KRTAP13-3: variants seen among roughly 807,000 people sequenced by gnomAD.
The protein encoded by KRTAP13-3 is keratin associated protein 13-3, also known as keratin-associated protein 13-3.
For missense variants in KRTAP13-3, 243 were observed against 202.8 expected, an observed-to-expected ratio of 1.20 and a Z score of -1.20; for synonymous variants, 98 against 79.4, an observed-to-expected ratio of 1.23 and a Z score of -1.25.
chr21:30,425,623 A>G, exon 1 of KRTAP13-3: 2 of 1,614,186 alleles, frequency 1.2e-6, no homozygotes, highest in East Asian at 2.2e-5. Context: ...CCGAGACCCA[A>G]CATGCATAGT....
chr21:30,425,577 A>T, the KRTAP13-3 span: 1 of 1,614,138 alleles, frequency 6.2e-7, no homozygotes, highest in Non-Finnish European at 8.5e-7. Flanking sequence ...TCCTGGATCC[A>T]CAGCTCAGGG....
At chr21:30,425,646 G>A (rs371320443) in exon 1 of KRTAP13-3, 2 of 1,614,120 alleles carry the variant, frequency 1.2e-6, no homozygotes, top group Non-Finnish European at 1.7e-6. Context: ...GGCAAGAATT[G>A]CAGAGCATGT....
exon 1 of KRTAP13-3, chr21:30,425,395 C>G (rs764792084): frequency 6.5e-7 from 1 of 1,543,680 alleles, no homozygotes; most frequent in South Asian, 1.3e-5. Context: ...CCACATTAGT[C>G]AGTAGAAACC....
chr21:30,425,866 CCG>C, the KRTAP13-3 span: 1 of 1,613,978 alleles, frequency 6.2e-7, no homozygotes, highest in Non-Finnish European at 8.5e-7. Context: ...CAAGTAACCC[CCG>C]TGGGAGCAGG....
At chr21:30,425,895 G>A in exon 1 of KRTAP13-3, 1 of 1,612,994 alleles carries the variant, frequency 6.2e-7, no homozygotes, top group South Asian at 1.1e-5. Context: ...AGTTTCTAGA[G>A]CAACAGTTGT....
chr21:30,425,850 G>T, the KRTAP13-3 span: 1 of 1,614,142 alleles, frequency 6.2e-7, no homozygotes, highest in Middle Eastern at 1.7e-4. Context: ...AGGAGCCTGG[G>T]TAGTGCAAGT....
At chr21:30,425,889 T>C in exon 1 of KRTAP13-3, 1 of 1,613,318 alleles carries the variant, frequency 6.2e-7, no homozygotes, top group Non-Finnish European at 8.5e-7. Context: ...AGGAGAAGTT[T>C]CTAGAGCAAC....
At chr21:30,425,673 G>T in the KRTAP13-3 span, 2 of 1,614,164 alleles carry the variant, frequency 1.2e-6, no homozygotes, top group Non-Finnish European at 1.7e-6. Flanking sequence ...TGGGGTAGTA[G>T]CAGGAGGTGT....
exon 1 of KRTAP13-3, chr21:30,425,782 C>T: frequency 6.2e-7 from 1 of 1,614,146 alleles, no homozygotes; most frequent in Non-Finnish European, 8.5e-7. Flanking sequence ...CTGGCAGGTG[C>T]TGGGAGAGCA....
At chr21:30,425,508 A>G (rs1295371830) in exon 1 of KRTAP13-3, 3 of 1,613,878 alleles carry the variant, frequency 1.9e-6, no homozygotes, top group East Asian at 4.5e-5. Flanking sequence ...AAGGGGAGGT[A>G]TGGATTCTAT....
At chr21:30,425,895 G>C (rs1455939980) in exon 1 of KRTAP13-3, 1 of 1,612,994 alleles carries the variant, frequency 6.2e-7, no homozygotes, top group Non-Finnish European at 8.5e-7. Context: ...AGTTTCTAGA[G>C]CAACAGTTGT....
chr21:30,425,683 T>A, exon 1 of KRTAP13-3: 1 of 1,613,902 alleles, frequency 6.2e-7, no homozygotes, highest in Non-Finnish European at 8.5e-7. Context: ...GCAGGAGGTG[T>A]GGCAGGGGCT....
exon 1 of KRTAP13-3, chr21:30,425,383 C>A: frequency 6.6e-7 from 1 of 1,523,026 alleles, no homozygotes; most frequent in South Asian, 1.3e-5. Flanking sequence ...TTTTACCAGT[C>A]ACCACATTAG....
chr21:30,425,882 A>G, exon 1 of KRTAP13-3: 1 of 1,613,582 alleles, frequency 6.2e-7, no homozygotes, highest in Non-Finnish European at 8.5e-7. Context: ...GAGCAGGAGG[A>G]GAAGTTTCTA....
the KRTAP13-3 span, chr21:30,425,819 T>TG: frequency 1.2e-6 from 2 of 1,614,112 alleles, no homozygotes; most frequent in South Asian, 2.2e-5. Flanking sequence ...ACCAGGTTGC[T>TG]GGGGTAGGAA....
the KRTAP13-3 span, chr21:30,425,418 TG>T: frequency 6.4e-7 from 1 of 1,574,106 alleles, no homozygotes; most frequent in Non-Finnish European, 8.6e-7. Flanking sequence ...ATCTACAGAA[TG>T]GCTGATAACA....
chr21:30,425,878 G>T (rs367921234), exon 1 of KRTAP13-3: 1 of 1,613,758 alleles, frequency 6.2e-7, no homozygotes. Context: ...GTGGGAGCAG[G>T]AGGAGAAGTT....
At chr21:30,425,386 C>T in exon 1 of KRTAP13-3, 1 of 1,529,636 alleles carries the variant, frequency 6.5e-7, no homozygotes, top group Non-Finnish European at 8.8e-7. Flanking sequence ...TACCAGTCAC[C>T]ACATTAGTCA....
At chr21:30,425,627 G>T (rs777034975) in exon 1 of KRTAP13-3, 2 of 1,614,170 alleles carry the variant, frequency 1.2e-6, no homozygotes, top group South Asian at 2.2e-5. Context: ...GACCCAACAT[G>T]CATAGTCAGG....
Sources: gnomAD v4.1 joint callset for allele counts on GRCh38, gnomAD v4.1.1 for gene constraint, MANE v1.5 for transcripts, NCBI Gene and HGNC (gene_info 2026-07-23, HGNC 2026-07-21) for gene names.